The following GRID2 variants were observed in gnomAD, a reference collection of about 807,000 sequenced individuals.
GRID2 encodes the protein glutamate ionotropic receptor delta type subunit 2, also known as glutamate receptor ionotropic, delta-2.
GRID2 carries 33 observed loss-of-function variants against 114.8 expected under a neutral mutation model. The observed-to-expected ratio is 0.29, with a 90% confidence interval of 0.22 to 0.38. The LOEUF is 0.38. Ranked by LOEUF, GRID2 falls within the 10% of genes least tolerant of loss-of-function variation. The pLI is 1.00. For missense variants in GRID2, 1,184 were observed against 1,257.7 expected, an observed-to-expected ratio of 0.94 and a Z score of 0.89; for synonymous variants, 505 against 449.9, an observed-to-expected ratio of 1.12 and a Z score of -1.55.
intron 4 of GRID2, among the ~76,000 whole-genome samples, chr4:93,155,647 G>A (rs1050197559): frequency 1.3e-5 from 2 of 151,878 alleles, no homozygotes; most frequent in African/African-American, 4.8e-5. Context: ...GAAGATGATA[G>A]CTGGAAAGAC....
intron 2 of GRID2, among the ~76,000 whole-genome samples, chr4:93,037,318 A>G (rs1725021446): frequency 6.6e-6 from 1 of 152,122 alleles, no homozygotes; most frequent in Non-Finnish European, 1.5e-5. Context: ...TTAAAGTTAC[A>G]CAGACTTTAA....
At chr4:92,566,300 T>C (rs1727331682) in intron 1 of GRID2, among the ~76,000 whole-genome samples, 1 of 151,882 alleles carries the variant, frequency 6.6e-6, no homozygotes. Context: ...TTTTTTAAGA[T>C]GGAAAATGAT....
chr4:92,438,821 C>T (rs1038774722), intron 1 of GRID2, among the ~76,000 whole-genome samples: 2 of 152,130 alleles, frequency 1.3e-5, no homozygotes, highest in Admixed American at 1.3e-4. Context: ...ATTCTTTTAC[C>T]AATGTCCCCT....
chr4:92,935,960 C>T (rs1248000296), intron 2 of GRID2, among the ~76,000 whole-genome samples: 1 of 145,800 alleles, frequency 6.9e-6, no homozygotes, highest in Non-Finnish European at 1.5e-5. Context: ...GGGTGCAGCA[C>T]ACCAGCATGG....
chr4:92,773,584 T>G, intron 2 of GRID2, among the ~76,000 whole-genome samples: 1 of 152,034 alleles, frequency 6.6e-6, no homozygotes, highest in Non-Finnish European at 1.5e-5. Context: ...TCTAATTTAA[T>G]ATATCACAAA....
chr4:92,641,875 C>T (rs1019211964), intron 2 of GRID2, among the ~76,000 whole-genome samples: 1 of 150,268 alleles, frequency 6.7e-6, no homozygotes. Flanking sequence ...TAAATGAGAA[C>T]ATGCAGTATT....
In GRID2 at chr4:93,047,762, G is replaced by A. The variant is rs572034377; in HGVS notation, c.245-37233G>A. ...TTTGTTCATTTTCTCTAGATGGCTA[G>A]AGAAACTATCTCTTCCATTGATTCC... On this transcript the variant is annotated intron_variant, in intron 2 of 15. Coordinates refer to ENST00000282020, the MANE Select transcript of GRID2 (RefSeq NM_001510.4). 2.0e-5 allele frequency among the ~76,000 whole-genome samples: 3 copies of A among 152,002 alleles called. No individual in the cohort carries two copies. The South Asian group carries it at 6.2e-4, about 32-fold the overall frequency.
intron 14 of GRID2, among the ~76,000 whole-genome samples, chr4:93,671,996 A>T (rs567981625): frequency 6.6e-6 from 1 of 150,764 alleles, no homozygotes; most frequent in South Asian, 2.1e-4. Flanking sequence ...ATGATAAAAT[A>T]AAAAAATATA....
chr4:93,765,497 C>G (rs2110324224), intron 14 of GRID2, among the ~76,000 whole-genome samples: 1 of 151,878 alleles, frequency 6.6e-6, no homozygotes, highest in South Asian at 2.1e-4. Flanking sequence ...CCTTCTTTCC[C>G]CTCGATGATC....
At position 92,733,087 on chromosome 4, in the gene GRID2, C is replaced by CCTCTCTCT. The variant is rs138334585; in HGVS notation, c.244+142811_244+142818dup. On this transcript the variant is annotated intron_variant, in intron 2 of 15. Coordinates refer to ENST00000282020, the MANE Select transcript of GRID2 (RefSeq NM_001510.4). ...ACACTCTGCTCCCTCTTCATGTCTTCCTCTCTCTCTCTCTCTCCAGTGTGT... is the reference window on the plus strand; with the variant it reads ...ACACTCTGCTCCCTCTTCATGTCTTCCTCTCTCTCTCTCTCTCTCTCTCTCCAGTGTGT... Among the ~76,000 whole-genome samples the CCTCTCTCT allele has an allele frequency of 9.5e-4, 143 of 150,596 alleles. 1 individual carries two copies. The highest frequency in any genetic ancestry group is 2.5e-3 in the Admixed American group (37 of 15,048).
chr4:93,481,581 C>T (rs907970074), intron 11 of GRID2, among the ~76,000 whole-genome samples: 1 of 152,056 alleles, frequency 6.6e-6, no homozygotes, highest in Non-Finnish European at 1.5e-5. Flanking sequence ...TTAGCTGGAA[C>T]CATAATCTTC....
At chr4:92,494,451 G>T (rs1403725002) in intron 1 of GRID2, among the ~76,000 whole-genome samples, 2 of 151,914 alleles carry the variant, frequency 1.3e-5, no homozygotes, top group Non-Finnish European at 2.9e-5. Flanking sequence ...GAAACATTTA[G>T]TGTGTTTCTT....
At chr4:93,291,879 A>G (rs1296469210) in intron 8 of GRID2, among the ~76,000 whole-genome samples, 3 of 151,368 alleles carry the variant, frequency 2.0e-5, no homozygotes. Context: ...CAAATTAATT[A>G]GCATATGCAT....
At chr4:93,255,964 A>G (rs1302852263) in intron 8 of GRID2, among the ~76,000 whole-genome samples, 1 of 152,102 alleles carries the variant, frequency 6.6e-6, no homozygotes, top group African/African-American at 2.4e-5. Context: ...CCAAGAAAAA[A>G]TCTATTTTAA....
chr4:92,549,357 T>C (rs116608020), intron 1 of GRID2, among the ~76,000 whole-genome samples: 89 of 152,272 alleles, frequency 5.8e-4, no homozygotes, highest in African/African-American at 2.1e-3. Context: ...TACCACACCA[T>C]GTCACCATGT....
chr4:93,630,333 G>C (rs1165288224), intron 14 of GRID2, among the ~76,000 whole-genome samples: 1 of 152,096 alleles, frequency 6.6e-6, no homozygotes, highest in Non-Finnish European at 1.5e-5. Flanking sequence ...TTAGTCATAT[G>C]TTGCCTCATT....
chr4:92,391,335 C>G (rs1730229199), intron 1 of GRID2, among the ~76,000 whole-genome samples: 1 of 152,126 alleles, frequency 6.6e-6, no homozygotes, highest in Non-Finnish European at 1.5e-5. Context: ...TGGTTACTTT[C>G]AGCACCTTCC....
intron 4 of GRID2, among the ~76,000 whole-genome samples, chr4:93,155,035 CCTACATAG>C (rs1241253911): frequency 6.6e-6 from 1 of 151,858 alleles, no homozygotes; most frequent in East Asian, 1.9e-4. Flanking sequence ...TTTCAGATTA[CCTACATAG>C]AGGCTCCTTG....
At chr4:92,977,176 T>C (rs1753931026) in intron 2 of GRID2, among the ~76,000 whole-genome samples, 1 of 152,174 alleles carries the variant, frequency 6.6e-6, no homozygotes. Context: ...ATATGTACTA[T>C]GCAGGAAGCT....
Sources: gnomAD v4.1 joint callset for allele counts (sites outside exome capture counted in the v4.1 genomes callset) on GRCh38, gnomAD v4.1.1 for gene constraint, MANE v1.5 for transcripts, NCBI Gene and HGNC (gene_info 2026-07-23, HGNC 2026-07-21) for gene names.